ATP2B1: variants seen among roughly 807,000 people sequenced by gnomAD.
ATP2B1 encodes the protein plasma membrane calcium-transporting ATPase 1.
In ATP2B1, 14 loss-of-function variants were observed where a neutral mutation model predicts 124.2. The observed-to-expected ratio is 0.11, with a 90% CI of 0.07 to 0.18. The LOEUF (loss-of-function observed/expected upper bound fraction) is 0.18. Ranked by LOEUF, ATP2B1 falls within the 10% of genes least tolerant of loss-of-function variation. ATP2B1 has a pLI of 1.00. For synonymous variants in ATP2B1, 449 were observed against 492.4 expected (o/e 0.91, Z 1.17); for missense variants, 763 against 1,466.1 (o/e 0.52, Z 7.83).
intron 20 of ATP2B1, among the ~76,000 whole-genome samples, chr12:89,591,639 A>G (rs1189498165): frequency 2.6e-5 from 4 of 152,062 alleles, no homozygotes; most frequent in Non-Finnish European, 5.9e-5. Context: ...ACACAAGCTT[A>G]GCTGATTTTT....
chr12:89,606,999 C>T (rs1038386938), intron 15 of ATP2B1, among the ~76,000 whole-genome samples: 56 of 152,092 alleles, frequency 3.7e-4, no homozygotes, highest in African/African-American at 1.3e-3. Context: ...CTAAAAGTAA[C>T]TCTATGGTGT....
chr12:89,604,848 A>G (rs936935557), intron 15 of ATP2B1, among the ~76,000 whole-genome samples: 6 of 139,698 alleles, frequency 4.3e-5, no homozygotes, highest in Non-Finnish European at 7.9e-5. Context: ...TTTCCCCCCA[A>G]CAACAGAACC....
intron 1 of ATP2B1, among the ~76,000 whole-genome samples, chr12:89,683,630 A>C (rs1052111512): frequency 2.0e-5 from 3 of 152,132 alleles, no homozygotes; most frequent in Admixed American, 2.0e-4. Context: ...TTTTCCCATG[A>C]AAGTTCCAGA....
At chr12:89,600,885 G>A (rs1875693158) in intron 19 of ATP2B1, among the ~76,000 whole-genome samples, 2 of 152,014 alleles carry the variant, frequency 1.3e-5, no homozygotes, top group Admixed American at 1.3e-4. Context: ...CTTACCTCAG[G>A]TGATCCACCC....
chr12:89,697,268 G>A (rs941794378), intron 1 of ATP2B1, among the ~76,000 whole-genome samples: 2 of 152,034 alleles, frequency 1.3e-5, no homozygotes, highest in African/African-American at 4.8e-5. Context: ...GGGGTATGGC[G>A]GGTCAGAATC....
At position 89,592,170 on chromosome 12, in the gene ATP2B1, CA is replaced by C. The variant is rs34870202; in HGVS notation, c.3352-876del. Reference sequence around the variant, plus strand: ...AGTGGGCAATCAAACTTAAAAACATCAGTGCACACACTGACATTAAGTGCTA... The same window carrying C: ...AGTGGGCAATCAAACTTAAAAACATCGTGCACACACTGACATTAAGTGCTA... On this transcript the variant is annotated intron_variant, in intron 20 of 20. Coordinates refer to ENST00000428670, the MANE Select transcript of ATP2B1 (RefSeq NM_001366521.1). Among the ~76,000 whole-genome samples the C allele has an allele frequency of 1.9e-3, 284 of 152,082 alleles. 2 individuals carry two copies. Among genetic ancestry groups the C allele is most frequent in the African/African-American group, 6.7e-3 (277 of 41,524 alleles).
intron 2 of ATP2B1, among the ~76,000 whole-genome samples, chr12:89,647,227 G>C (rs1471298901): frequency 2.6e-5 from 4 of 152,224 alleles, no homozygotes; most frequent in Non-Finnish European, 4.4e-5. Context: ...GCATGGAATT[G>C]ATCTTCTTAT....
At chr12:89,614,488 G>A (rs1297483635) in intron 12 of ATP2B1, among the ~76,000 whole-genome samples, 1 of 152,202 alleles carries the variant, frequency 6.6e-6, no homozygotes, top group African/African-American at 2.4e-5. Context: ...TCAACAGGCT[G>A]CTGTTTCTGG....
At chr12:89,703,403 T>C (rs370702652) in intron 1 of ATP2B1, among the ~76,000 whole-genome samples, 7 of 152,328 alleles carry the variant, frequency 4.6e-5, no homozygotes, top group East Asian at 3.9e-4. Context: ...ATCACTAATA[T>C]TCTTGGAAGA....
chr12:89,628,498 A>C (rs1205797518), intron 6 of ATP2B1, among the ~76,000 whole-genome samples: 1 of 151,878 alleles, frequency 6.6e-6, no homozygotes, highest in East Asian at 1.9e-4. Context: ...AAGATAGGAG[A>C]GGTAACTTAG....
intron 2 of ATP2B1, among the ~76,000 whole-genome samples, chr12:89,643,061 T>TACATAC (rs1555201584): frequency 1.0e-5 from 1 of 98,712 alleles, no homozygotes; most frequent in Non-Finnish European, 2.3e-5. Flanking sequence ...TATATAAAGA[T>TACATAC]ACATACACAC....
intron 20 of ATP2B1, among the ~76,000 whole-genome samples, chr12:89,597,406 T>C (rs1874838442): frequency 6.6e-6 from 1 of 152,164 alleles, no homozygotes; most frequent in Admixed American, 6.5e-5. Flanking sequence ...TGCTTATTAG[T>C]CGTAGAGAAG....
intron 6 of ATP2B1, among the ~76,000 whole-genome samples, chr12:89,629,264 T>C (rs1881454160): frequency 6.6e-6 from 1 of 152,210 alleles, no homozygotes; most frequent in African/African-American, 2.4e-5. Flanking sequence ...CACTTTGATC[T>C]AGAGCAAATT....
In ATP2B1 at chr12:89,595,708, T is replaced by G. The variant is rs73443069; in HGVS notation, c.3351+3409A>C. Among the ~76,000 whole-genome samples, 469 of 152,212 alleles carry G rather than the reference T, an allele frequency of 3.1e-3. 2 individuals are homozygous for G. Among genetic ancestry groups the G allele is most frequent in the African/African-American group, 0.01 (428 of 41,550 alleles). ...ATTTTGGCTGATGTTCTGTACCACCTAAGACAATGCTCCACCAACAAGGTT... is the reference window on the plus strand; with the variant it reads ...ATTTTGGCTGATGTTCTGTACCACCGAAGACAATGCTCCACCAACAAGGTT... On this transcript the variant is annotated intron_variant, in intron 20 of 20. Transcript: ENST00000428670.
At chr12:89,692,094 C>T (rs925732955) in intron 1 of ATP2B1, among the ~76,000 whole-genome samples, 1 of 151,906 alleles carries the variant, frequency 6.6e-6, no homozygotes, top group African/African-American at 2.4e-5. Flanking sequence ...GTAGGAAATT[C>T]TAATGAAACC....
intron 1 of ATP2B1, among the ~76,000 whole-genome samples, chr12:89,677,303 T>A (rs1043101388): frequency 6.6e-6 from 1 of 152,110 alleles, no homozygotes; most frequent in Non-Finnish European, 1.5e-5. Context: ...GGAGTTTAAT[T>A]TCAATTGTAT....
intron 1 of ATP2B1, among the ~76,000 whole-genome samples, chr12:89,679,433 C>T (rs1026656170): frequency 1.3e-5 from 2 of 152,134 alleles, no homozygotes; most frequent in African/African-American, 4.8e-5. Context: ...GTCTCCAGGA[C>T]CAAGACTTAA....
At chr12:89,600,412 A>T (rs1342277970) in intron 19 of ATP2B1, among the ~76,000 whole-genome samples, 1 of 152,220 alleles carries the variant, frequency 6.6e-6, no homozygotes, top group East Asian at 1.9e-4. Context: ...TCACTGTCAC[A>T]TTTAAAAAAT....
At chr12:89,611,961 C>T (rs1878106205) in intron 12 of ATP2B1, 1 of 152,108 alleles carries the variant, frequency 6.6e-6, no homozygotes, top group African/African-American at 2.4e-5. Flanking sequence ...GTTTCCTTTA[C>T]CTGTCTAGCA....
Sources: gnomAD v4.1 joint callset for allele counts (sites outside exome capture counted in the v4.1 genomes callset) on GRCh38, gnomAD v4.1.1 for gene constraint, MANE v1.5 for transcripts, NCBI Gene and HGNC (gene_info 2026-07-23, HGNC 2026-07-21) for gene names.